The following NAA25 variants were observed in gnomAD, a reference collection of about 807,000 sequenced individuals.
NAA25 encodes N-alpha-acetyltransferase 25, NatB auxiliary subunit, also known as N-terminal acetyltransferase B complex subunit NAA25.
A neutral mutation model predicts 132.5 loss-of-function variants in NAA25; 30 were observed. That is an observed-to-expected ratio of 0.23 (90% confidence interval 0.17 to 0.31). The LOEUF is 0.31. Ranked by LOEUF, NAA25 falls within the 10% of genes least tolerant of loss-of-function variation. NAA25 has a pLI of 1.00. For missense variants in NAA25, 771 were observed against 1,150.4 expected (o/e 0.67, Z 4.77); for synonymous variants, 359 against 401.9 (o/e 0.89, Z 1.28).
intron 13 of NAA25, among the ~76,000 whole-genome samples, chr12:112,056,469 A>T (rs1235384060): frequency 2.0e-5 from 3 of 152,194 alleles, no homozygotes; most frequent in Non-Finnish European, 4.4e-5. Context: ...AAGTGGGAGG[A>T]TCCCTTGAGC....
intron 13 of NAA25, among the ~76,000 whole-genome samples, chr12:112,055,447 C>A (rs1367010070): frequency 6.6e-6 from 1 of 152,136 alleles, no homozygotes; most frequent in Non-Finnish European, 1.5e-5. Context: ...ATACTCCCAG[C>A]ACTTTGGGAA....
chr12:112,029,656 A>G lies in NAA25; in HGVS notation c.2797-3T>C, dbSNP rs766744066. Reference sequence around the variant, plus strand: ...GTCTTTGAAAATTTTCTCTCTTCCTATAAAGGAGGAGACAAGAATAATTAG... The same window carrying G: ...GTCTTTGAAAATTTTCTCTCTTCCTGTAAAGGAGGAGACAAGAATAATTAG... On this transcript the variant is annotated splice_region_variant and splice_polypyrimidine_tract_variant and intron_variant, in intron 23 of 23. Coordinates refer to ENST00000261745, the MANE Select transcript of NAA25 (RefSeq NM_024953.4). The G allele has an allele frequency of 1.9e-6, 3 of 1,611,590 alleles. No individual in the cohort carries two copies. Among genetic ancestry groups the G allele is most frequent in the African/African-American group, 1.3e-5 (1 of 74,728 alleles).
intron 17 of NAA25, among the ~76,000 whole-genome samples, chr12:112,046,239 T>A (rs1223975980): frequency 6.6e-6 from 1 of 152,222 alleles, no homozygotes; most frequent in Non-Finnish European, 1.5e-5. Context: ...CTACTGGGTT[T>A]CCCTGAGCAG....
intron 1 of NAA25, among the ~76,000 whole-genome samples, chr12:112,099,630 T>G (rs574319494): frequency 1.1e-3 from 175 of 152,254 alleles, no homozygotes; most frequent in Non-Finnish European, 1.9e-3. Context: ...GCTGCACTCC[T>G]GAGGTAACAC....
chr12:112,095,862 T>C (rs751393214), intron 1 of NAA25, among the ~76,000 whole-genome samples: 6 of 152,164 alleles, frequency 3.9e-5, no homozygotes, highest in Non-Finnish European at 7.4e-5. Context: ...AGGGGATTTT[T>C]AGGGCACTGA....
chr12:112,050,872 T>G (rs574780545), intron 15 of NAA25, among the ~76,000 whole-genome samples: 1 of 152,300 alleles, frequency 6.6e-6, no homozygotes, highest in Non-Finnish European at 1.5e-5. Context: ...AATACAACTT[T>G]CAATCCCATA....
chr12:112,060,390 A>G, intron 12 of NAA25, 31 bp from the exon 13 acceptor site: 2 of 1,480,780 alleles, frequency 1.4e-6, no homozygotes, highest in Admixed American at 1.7e-5. Flanking sequence ...ATCTATTTTA[A>G]CATTTGTTCA....
intron 15 of NAA25, 82 bp from the exon 16 acceptor site, chr12:112,048,525 A>C (rs2078420735): frequency 1.7e-6 from 2 of 1,162,890 alleles, no homozygotes; most frequent in Non-Finnish European, 2.5e-6. Context: ...AAAACAAAAC[A>C]CTCAAACTAA....
chr12:112,083,208 C>T (rs2078997267), intron 4 of NAA25, among the ~76,000 whole-genome samples: 1 of 151,996 alleles, frequency 6.6e-6, no homozygotes, highest in African/African-American at 2.4e-5. Flanking sequence ...GGCTGGGCAC[C>T]GTGGCTCACG....
At position 112,078,271 on chromosome 12, in the gene NAA25, C is replaced by T. The variant is rs2078921472; in HGVS notation, c.586-5G>A. 1 of 1,595,950 alleles carries T rather than the reference C, an allele frequency of 6.3e-7. No individual in the cohort carries two copies. Among genetic ancestry groups the T allele is most frequent in the African/African-American group, 1.4e-5 (1 of 74,002 alleles). On this transcript the variant is annotated splice_polypyrimidine_tract_variant and splice_region_variant and intron_variant, in intron 6 of 23. Coordinates refer to ENST00000261745, the MANE Select transcript of NAA25 (RefSeq NM_024953.4). ...GATCATATAATAAAGTTCAACCTTACAGAAAAAAAACAAGAAGTGCAACCT... is the reference window on the plus strand; with the variant it reads ...GATCATATAATAAAGTTCAACCTTATAGAAAAAAAACAAGAAGTGCAACCT...
chr12:112,086,102 A>C lies in NAA25; in HGVS notation c.402+1581T>G, dbSNP rs59594922. 8.4e-3 allele frequency among the ~76,000 whole-genome samples: 1,017 copies of C among 120,736 alleles called. 27 individuals carry two copies. The highest frequency in any genetic ancestry group is 0.019 in the African/African-American group (528 of 28,446). The allele number at this position is 120,736 out of a possible 152,430, so 79.2% of individuals were successfully genotyped here. On this transcript the variant is annotated intron_variant, in intron 4 of 23. Transcript: ENST00000261745. Reference sequence around the variant, plus strand: ...CACACACACACACACACACACACACACCCATAACCATTTTACATTTTTAAA... The same window carrying C: ...CACACACACACACACACACACACACCCCCATAACCATTTTACATTTTTAAA...
At chr12:112,051,075 C>A (rs1272526795) in intron 15 of NAA25, among the ~76,000 whole-genome samples, 1 of 152,160 alleles carries the variant, frequency 6.6e-6, no homozygotes, top group Non-Finnish European at 1.5e-5. Context: ...ATACTCTAAG[C>A]ACAAGGTTGA....
Position 112,049,428 on chromosome 12 carries a change from A to G in NAA25, c.1729-985T>C, listed in dbSNP as rs1032929391. On this transcript the variant is annotated intron_variant, in intron 15 of 23. Transcript: ENST00000261745. The surrounding 1 kb of genome is among the most constrained non-coding windows in gnomAD (Gnocchi z 4.7). Reference sequence around the variant, plus strand: ...GTTAATCAGCTCTGCCCCCATCTCCATTACGTCTGAATAATTTGCCCAGTA... The same window carrying G: ...GTTAATCAGCTCTGCCCCCATCTCCGTTACGTCTGAATAATTTGCCCAGTA... 4 of 983,872 alleles carry G rather than the reference A, an allele frequency of 4.1e-6. No individual in the cohort carries two copies. In the African/African-American group the frequency reaches 7.0e-5, roughly 17 times the overall value. 60.9% of individuals were successfully genotyped at this position (983,872 alleles called of 1,614,324 possible). A position where few individuals can be genotyped will look rare whatever the true frequency, so the allele number is the denominator to read the frequency against.
chr12:112,094,682 C>G (rs999126534), intron 1 of NAA25, among the ~76,000 whole-genome samples: 4 of 152,080 alleles, frequency 2.6e-5, no homozygotes, highest in Non-Finnish European at 4.4e-5. Flanking sequence ...GTGTGTGAGA[C>G]AGGGTCTTGC....
chr12:112,042,974 A>T, intron 19 of NAA25, 114 bp downstream of exon 19: 2 of 987,208 alleles, frequency 2.0e-6, no homozygotes, highest in East Asian at 5.0e-5. Flanking sequence ...TTTGCAGAAC[A>T]GCTTCCAGCT....
intron 22 of NAA25, among the ~76,000 whole-genome samples, chr12:112,036,895 AC>A (rs1265096408): frequency 6.6e-6 from 1 of 151,474 alleles, no homozygotes; most frequent in Non-Finnish European, 1.5e-5. Flanking sequence ...GTGTGTGTGC[AC>A]GCGCGTGTGC....
chr12:112,106,059 GC>G (rs1487656051), intron 1 of NAA25, among the ~76,000 whole-genome samples: 2 of 152,192 alleles, frequency 1.3e-5, no homozygotes, highest in Non-Finnish European at 2.9e-5. Context: ...AGTCAAATGT[GC>G]TTAAGTGCTG....
chr12:112,075,856 C>T, intron 7 of NAA25, 67 bp from the exon 8 acceptor site: 2 of 1,223,068 alleles, frequency 1.6e-6, no homozygotes, highest in Non-Finnish European at 2.4e-6. Flanking sequence ...GAATAGAGTC[C>T]AACCACAAGA....
chr12:112,082,257 A>G (rs2078984136), intron 4 of NAA25, among the ~76,000 whole-genome samples: 1 of 151,662 alleles, frequency 6.6e-6, no homozygotes, highest in Non-Finnish European at 1.5e-5. Context: ...CCAAAAAATA[A>G]ATAAATAAAA....
Sources: allele counts gnomAD v4.1 joint callset (sites outside exome capture counted in the v4.1 genomes callset), GRCh38; gene constraint gnomAD v4.1.1; non-coding constraint Gnocchi (gnomAD v3.1); transcripts MANE v1.5; gene names NCBI Gene and HGNC (gene_info 2026-07-23, HGNC 2026-07-21).